ZNF432: variants seen among roughly 807,000 people sequenced by gnomAD.
ZNF432 encodes zinc finger protein 432.
Under a neutral mutation model 13.9 loss-of-function variants are expected in ZNF432, and 10 were observed. The observed-to-expected ratio is 0.72, with a 90% CI of 0.44 to 1.22. The LOEUF is 1.22. ZNF432 is among the 50% of genes most tolerant of loss of function. ZNF432 has a pLI of 0.00. For missense variants in ZNF432, 793 were observed against 796.2 expected (o/e 1.00, Z 0.05); for synonymous variants, 247 against 256.2 (o/e 0.96, Z 0.34).
chr19:52,034,919 T>C lies in ZNF432; in HGVS notation c.760A>G (p.Ile254Val). 1 of 1,612,978 alleles carries C rather than the reference T, an allele frequency of 6.2e-7. No individual in the cohort carries two copies. The highest frequency in any genetic ancestry group is 2.2e-5 in the East Asian group (1 of 44,882). The part of the protein sequence containing the change: ...RKSRLNEHQR[I>V]HKREKSFICS... ...ATAAAAGATTTCTCTCTTTTATGAA[T>C]TCTTTGATGTTCATTTAGCCTGGAC... Residue 254 changes from isoleucine (I) to valine (V), a missense_variant, in exon 5 of 5, where the codon ATT becomes GTT. Physicochemically the swap from Ile to Val is conservative, Grantham distance 29. Transcript: ENST00000221315.
At chr19:52,045,609 C>A (rs1054493217) in intron 2 of ZNF432, among the ~76,000 whole-genome samples, 1 of 151,016 alleles carries the variant, frequency 6.6e-6, no homozygotes, top group African/African-American at 2.4e-5. Flanking sequence ...GCCTGGTTGG[C>A]CTCCAAAAGT....
At chr19:52,043,932 A>C (rs570987486) in intron 2 of ZNF432, among the ~76,000 whole-genome samples, 1 of 152,306 alleles carries the variant, frequency 6.6e-6, no homozygotes, top group African/African-American at 2.4e-5. Flanking sequence ...ATCAATAAAT[A>C]CTAAGGGAAC....
intron 1 of ZNF432, 168 bp downstream of exon 1, chr19:52,048,527 T>TCA (rs1043791057): frequency 6.6e-6 from 1 of 152,338 alleles, no homozygotes; most frequent in Admixed American, 6.6e-5. Context: ...AGATATCCTA[T>TCA]CACAGACACC....
chr19:52,038,479 G>A (rs1280850029), intron 4 of ZNF432, among the ~76,000 whole-genome samples: 1 of 152,076 alleles, frequency 6.6e-6, no homozygotes, highest in Non-Finnish European at 1.5e-5. Flanking sequence ...TAGTAGAGAA[G>A]GGGATTCTCC....
Position 52,035,200 on chromosome 19 carries a change from C to G in ZNF432, c.479G>C (p.Gly160Ala). 1 of 1,612,002 alleles carries G rather than the reference C, an allele frequency of 6.2e-7. No individual in the cohort carries two copies. The highest frequency in any genetic ancestry group is 1.1e-5 in the South Asian group (1 of 90,266). ...CEINNSTKFS[G>A]DGKSFLHGNY... Reference sequence around the variant, plus strand: ...ACCATGAAGAAATGATTTCCCATCTCCACTAAATTTAGTAGAGTTGTTAAT... The same window carrying G: ...ACCATGAAGAAATGATTTCCCATCTGCACTAAATTTAGTAGAGTTGTTAAT... Residue 160 changes from glycine to alanine, a missense_variant, in exon 5 of 5, where the codon GGA (glycine) becomes GCA (alanine). By Grantham distance (60) the Gly-to-Ala change is moderately conservative. Transcript: ENST00000221315.
rs62107524 is a variant in ZNF432, at chr19:52,043,880, T to C, written c.16-2274A>G. ...TGACCCTCTCCCCACTATTGTCTTG[T>C]GACCCTGCCACATCCCCCTCTCGGA... On this transcript the variant is annotated intron_variant, in intron 2 of 4. Coordinates refer to ENST00000221315, the MANE Select transcript of ZNF432 (RefSeq NM_014650.4). Among the ~76,000 whole-genome samples, 809 of 152,346 alleles carry C rather than the reference T, an allele frequency of 5.3e-3. 4 individuals carry two copies. The highest frequency in any genetic ancestry group is 0.014 in the Middle Eastern group (4 of 294).
At chr19:52,040,699 T>C (rs1358018263) in intron 3 of ZNF432, 116 bp from the exon 4 acceptor site, 18 of 813,216 alleles carry the variant, frequency 2.2e-5, no homozygotes, top group Non-Finnish European at 3.4e-5. Context: ...TAGAGGCTTC[T>C]CTCTCAGGAA....
At position 52,035,431 on chromosome 19, in the gene ZNF432, T is replaced by G. The variant is rs1381970625; in HGVS notation, c.248A>C (p.Glu83Ala). The change falls in exon 5 of 5, where the codon GAA becomes GCA. Residue 83 changes from glutamate to alanine, a missense_variant. Glu to Ala is a moderately radical substitution (Grantham distance 107). Transcript: ENST00000221315. ...GTGATCCTGCAGATGATCATCAACT[T>G]CGTTGTTTTCTAGGAAAGAAGAGAA... Reference protein sequence around the residue: ...RHSRICPENNEVDDHLQDHLE... With the variant: ...RHSRICPENNAVDDHLQDHLE... 6.5e-7 allele frequency: 1 copy of G among 1,539,458 alleles called. No individual in the cohort carries two copies. Among genetic ancestry groups the G allele is most frequent in the East Asian group, 2.3e-5 (1 of 43,544 alleles).
rs945253325 is a variant in ZNF432 at position 52,041,502 on chromosome 19, G to T, written c.120C>A (p.Ile40=). 3 of 1,608,524 alleles carry T rather than the reference G, an allele frequency of 1.9e-6. No homozygotes were observed. The highest frequency in any genetic ancestry group is 2.5e-6 in the Non-Finnish European group (3 of 1,176,752). The change falls in exon 3 of 5, where the codon ATC becomes ATA. Residue 40 remains isoleucine (I), a synonymous_variant. Transcript: ENST00000221315. The part of the protein sequence containing the change: ...KDLYRDVMLE[I]YSNLLSMGYQ... ...CACCCATTGATAGCAGGTTGCTGTA[G>T]ATCTCCAACATCACATCCCGGTACA...
rs763075204 is a variant in ZNF432, at chr19:52,034,185, G to A, written c.1494C>T (p.Ser498=). The part of the protein sequence containing the change: ...SECGKGFIVN[S]GLMLHQRTHT... ...GAGTTCGCTGATGTAACATCAGTCC[G>A]CTATTCACAATGAAACCTTTCCCAC... Residue 498 remains serine (S), a synonymous_variant, in exon 5 of 5, where the codon AGC becomes AGT. Transcript: ENST00000221315. 26 of 1,613,984 alleles carry A rather than the reference G, an allele frequency of 1.6e-5. No individual in the cohort carries two copies. The highest frequency in any genetic ancestry group is 1.7e-4 in the Middle Eastern group (1 of 6,060).
At position 52,046,988 on chromosome 19, in the gene ZNF432, T is replaced by C. The variant is rs2087190713; in HGVS notation, c.-120A>G. ...CAGTGAAGGGTGTCCACAGAAATCA[T>C]ATCTAGGTCCTGGAATCTTCCTCTT... On this transcript the variant is annotated 5_prime_UTR_variant, in exon 2 of 5. It adds an upstream start codon to the 5' untranslated region. Coordinates refer to ENST00000221315, the MANE Select transcript of ZNF432 (RefSeq NM_014650.4). The C allele has an allele frequency of 2.0e-6, 2 of 997,296 alleles. No homozygotes were observed. The highest frequency in any genetic ancestry group is 1.5e-6 in the Non-Finnish European group (1 of 668,344). The allele number at this position is 997,296 out of a possible 1,614,324, so 61.8% of individuals were successfully genotyped here.
intron 4 of ZNF432, among the ~76,000 whole-genome samples, chr19:52,039,407 T>A (rs1023555527): frequency 6.6e-6 from 1 of 152,066 alleles, no homozygotes; most frequent in Non-Finnish European, 1.5e-5. Flanking sequence ...AAAAAGAAAT[T>A]AAGCACTGAT....
At chr19:52,041,455 G>C in intron 3 of ZNF432, 25 bp downstream of exon 3, 1 of 1,570,652 alleles carries the variant, frequency 6.4e-7, no homozygotes, top group Middle Eastern at 1.7e-4. Flanking sequence ...GCACCCTCCA[G>C]GTGACACAGA....
chr19:52,040,564 T>A lies in ZNF432; in HGVS notation c.162A>T (p.Pro54=). ...CTCGTTCCAACTTGGAGAGTGCATCTGGTTTGCTGACTTGATAACCTGTTT... is the reference window on the plus strand; with the variant it reads ...CTCGTTCCAACTTGGAGAGTGCATCAGGTTTGCTGACTTGATAACCTGTTT... ...LLSMGYQVSK[P]DALSKLERGE... is the part of the protein sequence containing the mutation. The change falls in exon 4 of 5, where the codon CCA becomes CCT. Residue 54 remains proline, a synonymous_variant. Coordinates refer to ENST00000221315, the MANE Select transcript of ZNF432 (RefSeq NM_014650.4). The A allele has an allele frequency of 6.2e-7, 1 of 1,614,146 alleles. No homozygotes were observed. Among genetic ancestry groups the A allele is most frequent in the Non-Finnish European group, 8.5e-7 (1 of 1,179,986 alleles).
chr19:52,035,445 G>T lies in ZNF432; in HGVS notation c.239-5C>A, dbSNP rs772117305. 5 of 1,524,352 alleles carry T rather than the reference G, an allele frequency of 3.3e-6. No homozygotes were observed. The highest frequency in any genetic ancestry group is 4.4e-6 in the Non-Finnish European group (5 of 1,141,982). The allele number at this position is 1,524,352 out of a possible 1,614,324, so 94.4% of individuals were successfully genotyped here. A position where few individuals can be genotyped will look rare whatever the true frequency, so the allele number is the denominator to read the frequency against. Reference sequence around the variant, plus strand: ...GATCATCAACTTCGTTGTTTTCTAGGAAAGAAGAGAACAATGAATCCTTTT... The same window carrying T: ...GATCATCAACTTCGTTGTTTTCTAGTAAAGAAGAGAACAATGAATCCTTTT... On this transcript the variant is annotated splice_region_variant and splice_polypyrimidine_tract_variant and intron_variant, in intron 4 of 4. Coordinates refer to ENST00000221315, the MANE Select transcript of ZNF432 (RefSeq NM_014650.4).
rs766252345 is a variant in ZNF432 at position 52,034,603 on chromosome 19, T to C, written c.1076A>G (p.Tyr359Cys). The part of the protein sequence containing the change: ...ECGKGFTTKH[Y>C]VIIHQRNHTG... Reference sequence around the variant, plus strand: ...ATGATTTCGTTGATGTATGATGACATAGTGTTTTGTGGTGAAGCCTTTCCC... The same window carrying C: ...ATGATTTCGTTGATGTATGATGACACAGTGTTTTGTGGTGAAGCCTTTCCC... The change falls in exon 5 of 5, where the codon TAT becomes TGT. Residue 359 changes from tyrosine to cysteine, a missense_variant. Transcript: ENST00000221315. 4.0e-5 allele frequency: 64 copies of C among 1,613,074 alleles called. No homozygotes were observed. The highest frequency in any genetic ancestry group is 5.1e-5 in the Non-Finnish European group (60 of 1,179,730).
At chr19:52,038,318 G>A (rs1428139629) in intron 4 of ZNF432, among the ~76,000 whole-genome samples, 1 of 152,010 alleles carries the variant, frequency 6.6e-6, no homozygotes, top group Non-Finnish European at 1.5e-5. Context: ...AGATGGAGTT[G>A]TGCTCTTGTT....
intron 2 of ZNF432, among the ~76,000 whole-genome samples, chr19:52,043,679 A>G (rs1186946586): frequency 1.3e-5 from 2 of 152,210 alleles, no homozygotes; most frequent in Admixed American, 1.3e-4. Flanking sequence ...ACCCGATTGT[A>G]TGCTCCATCT....
chr19:52,036,306 A>G (rs1251451316), intron 4 of ZNF432, among the ~76,000 whole-genome samples: 1 of 152,226 alleles, frequency 6.6e-6, no homozygotes, highest in Non-Finnish European at 1.5e-5. Flanking sequence ...CAAAAAAAGA[A>G]GGGAGTTGGT....
Sources: allele counts gnomAD v4.1 joint callset (sites outside exome capture counted in the v4.1 genomes callset), GRCh38; gene constraint gnomAD v4.1.1; transcripts MANE v1.5; gene names NCBI Gene and HGNC (gene_info 2026-07-23, HGNC 2026-07-21).